The following UBE2D3 variants were observed in gnomAD, a reference collection of about 807,000 sequenced individuals.
UBE2D3 encodes ubiquitin conjugating enzyme E2 D3, also known as ubiquitin-conjugating enzyme E2 D3.
Under a neutral mutation model 22.8 loss-of-function variants are expected in UBE2D3, and 2 were observed. That is an observed-to-expected ratio of 0.09 (90% CI 0.04 to 0.28). The LOEUF (loss-of-function observed/expected upper bound fraction) is 0.28. UBE2D3 is among the 10% of genes least tolerant of loss of function. The pLI is 1.00. For missense variants in UBE2D3, 27 were observed against 182.5 expected (o/e 0.15, Z 4.91); for synonymous variants, 56 against 60.4 (o/e 0.93, Z 0.34).
chr4:102,841,472 A>T (rs1159714111), intron 1 of UBE2D3, among the ~76,000 whole-genome samples: 1 of 152,222 alleles, frequency 6.6e-6, no homozygotes, highest in African/African-American at 2.4e-5. Context: ...CCAGTCATCA[A>T]GACTAAGATT....
At chr4:102,817,542 G>A (rs868499481) in intron 2 of UBE2D3, among the ~76,000 whole-genome samples, 3 of 152,126 alleles carry the variant, frequency 2.0e-5, no homozygotes, top group South Asian at 4.1e-4. Context: ...TGGACTAGGG[G>A]TAAGTTTCAA....
chr4:102,800,785 C>G (rs1054174574), intron 6 of UBE2D3, among the ~76,000 whole-genome samples: 3 of 151,872 alleles, frequency 2.0e-5, no homozygotes, highest in African/African-American at 4.8e-5. Flanking sequence ...TTTGAAAAAG[C>G]TTTTTTGTAC....
intron 4 of UBE2D3, among the ~76,000 whole-genome samples, chr4:102,803,530 T>G (rs1405006382): frequency 6.6e-6 from 1 of 152,198 alleles, no homozygotes; most frequent in African/African-American, 2.4e-5. Context: ...TACCCTTCTG[T>G]AAAATAAATA....
chr4:102,826,917 A>C, intron 1 of UBE2D3: 1 of 1,019,028 alleles, frequency 9.8e-7, no homozygotes, highest in South Asian at 3.9e-5. Context: ...CAGGGTCCGG[A>C]GCCCAGCAGA....
chr4:102,799,337 G>C (rs565222613), intron 7 of UBE2D3, 70 bp downstream of exon 7: 1 of 1,234,150 alleles, frequency 8.1e-7, no homozygotes, highest in African/African-American at 1.5e-5. Flanking sequence ...TCTTGGCACT[G>C]TCACAAGCAA....
At chr4:102,850,359 T>G (rs1560890296) in intron 1 of UBE2D3, among the ~76,000 whole-genome samples, 1 of 152,178 alleles carries the variant, frequency 6.6e-6, no homozygotes, top group Non-Finnish European at 1.5e-5. Flanking sequence ...ATATTTCAAT[T>G]TTTTAAAAGG....
At position 102,827,245 on chromosome 4, in the gene UBE2D3, G is replaced by C. The variant is rs1001615896; in HGVS notation, c.-129+182C>G. ...GAGGCTCCGGCTTAGGCGCGAGGAC[G>C]CGCCCATTCCCCCTCCTCCTCCAGC... On this transcript the variant is annotated intron_variant, in intron 1 of 7. Coordinates refer to ENST00000453744, the MANE Select transcript of UBE2D3 (RefSeq NM_181891.3). The C allele has an allele frequency of 7.2e-6, 7 of 971,096 alleles. No homozygotes were observed. In the South Asian group the frequency reaches 2.8e-4, roughly 39 times the overall value. 60.2% of individuals were successfully genotyped at this position (971,096 alleles called of 1,614,324 possible).
chr4:102,815,593 A>G (rs1170427095), intron 2 of UBE2D3, among the ~76,000 whole-genome samples: 1 of 152,180 alleles, frequency 6.6e-6, no homozygotes, highest in Non-Finnish European at 1.5e-5. Flanking sequence ...ATCCATCACT[A>G]AGCCTTTAAA....
At chr4:102,839,896 A>G (rs1349420230) in intron 1 of UBE2D3, among the ~76,000 whole-genome samples, 1 of 152,262 alleles carries the variant, frequency 6.6e-6, no homozygotes, top group Admixed American at 6.5e-5. Context: ...TAATCCAACA[A>G]GGGACTAATG....
intron 5 of UBE2D3, 108 bp downstream of exon 5, chr4:102,802,452 AT>A: frequency 1.2e-6 from 1 of 840,758 alleles, no homozygotes; most frequent in East Asian, 2.7e-5. Context: ...CATGAGTGCA[AT>A]TCAACATATA....
chr4:102,823,523 T>C (rs1005564654), intron 2 of UBE2D3, among the ~76,000 whole-genome samples: 1 of 152,192 alleles, frequency 6.6e-6, no homozygotes, highest in Non-Finnish European at 1.5e-5. Context: ...ACAGGGTGTA[T>C]ACAATGAAAA....
At position 102,824,292 on chromosome 4, in the gene UBE2D3, CA is replaced by C. The variant is rs1460566359; in HGVS notation, c.24+2192del. Among the ~76,000 whole-genome samples the C allele has an allele frequency of 3.3e-5, 5 of 152,200 alleles. No homozygotes were observed. In the South Asian group the frequency reaches 8.3e-4, roughly 25 times the overall value. On this transcript the variant is annotated intron_variant, in intron 2 of 7. Coordinates refer to ENST00000453744, the MANE Select transcript of UBE2D3 (RefSeq NM_181891.3). ...TAAACTAGAAATCAAAGTTCTTAAA[CA>C]AAAACGATTTTTAAAAATTATAAAT...
At chr4:102,830,438 G>C (rs1434141823), upstream of UBE2D3, among the ~76,000 whole-genome samples, 7 of 152,250 alleles carry the variant, frequency 4.6e-5, no homozygotes, top group East Asian at 9.6e-4. Flanking sequence ...GTACAAAAAT[G>C]TTGAAAATTT....
At chr4:102,820,233 T>C (rs1270936854) in intron 2 of UBE2D3, among the ~76,000 whole-genome samples, 1 of 152,092 alleles carries the variant, frequency 6.6e-6, no homozygotes, top group Non-Finnish European at 1.5e-5. Context: ...TATAAAGTTT[T>C]ATTAACTTTA....
intron 4 of UBE2D3, among the ~76,000 whole-genome samples, chr4:102,807,049 T>C (rs3733209): frequency 0.042 from 6,465 of 152,264 alleles, 272 homozygotes; most frequent in East Asian, 0.18. Context: ...AGTTACTCTA[T>C]TGAAACTCAA....
In UBE2D3 at chr4:102,797,254, C is replaced by T; in HGVS notation, c.*161G>A. ...CCAAAGCTGGAAGAACTTAAGTCTTCTCAGATGAGCATGTGAATGAATGGA... is the reference window on the plus strand; with the variant it reads ...CCAAAGCTGGAAGAACTTAAGTCTTTTCAGATGAGCATGTGAATGAATGGA... On this transcript the variant is annotated 3_prime_UTR_variant, in exon 8 of 8. Coordinates refer to ENST00000453744, the MANE Select transcript of UBE2D3 (RefSeq NM_181891.3). 1 of 563,260 alleles carries T rather than the reference C, an allele frequency of 1.8e-6. No individual in the cohort carries two copies. Among genetic ancestry groups the T allele is most frequent in the East Asian group, 2.9e-5 (1 of 34,858 alleles). 34.9% of individuals were successfully genotyped at this position (563,260 alleles called of 1,614,324 possible).
intron 1 of UBE2D3, among the ~76,000 whole-genome samples, chr4:102,849,202 T>G (rs1261913153): frequency 1.4e-5 from 2 of 144,218 alleles, no homozygotes; most frequent in South Asian, 2.2e-4. Flanking sequence ...ACCCCACTTC[T>G]ACAAAAAAAA....
At chr4:102,807,536 C>T (rs1727257247) in intron 4 of UBE2D3, among the ~76,000 whole-genome samples, 1 of 152,092 alleles carries the variant, frequency 6.6e-6, no homozygotes, top group Non-Finnish European at 1.5e-5. Flanking sequence ...AAGCAAAACC[C>T]AGCAGTTGTG....
chr4:102,828,255 G>A (rs975606939), upstream of UBE2D3: 1 of 985,294 alleles, frequency 1.0e-6, no homozygotes, highest in Non-Finnish European at 1.2e-6. Context: ...AGGTGCCAAG[G>A]ATTAATTACC....
Sources: gnomAD v4.1 joint callset for allele counts (sites outside exome capture counted in the v4.1 genomes callset) on GRCh38, gnomAD v4.1.1 for gene constraint, MANE v1.5 for transcripts, NCBI Gene and HGNC (gene_info 2026-07-23, HGNC 2026-07-21) for gene names.